MSI2: variants seen among roughly 807,000 people sequenced by gnomAD.
The protein encoded by MSI2 is musashi RNA binding protein 2.
Under a neutral mutation model 45.6 loss-of-function variants are expected in MSI2, and 17 were observed. The observed-to-expected ratio is 0.37, with a 90% CI of 0.26 to 0.56. The LOEUF is 0.56. MSI2 is among the 20% of genes least tolerant of loss of function. MSI2 has a pLI of 0.77. For synonymous variants in MSI2, 156 were observed against 158.2 expected, an observed-to-expected ratio of 0.99 and a Z score of 0.11; for missense variants, 293 against 444.2, an observed-to-expected ratio of 0.66 and a Z score of 3.06.
chr17:57,598,497 C>G (rs1427056268), intron 8 of MSI2, among the ~76,000 whole-genome samples: 1 of 152,074 alleles, frequency 6.6e-6, no homozygotes, highest in Non-Finnish European at 1.5e-5. Flanking sequence ...TGAAAATACT[C>G]TTTTTTTGCG....
At chr17:57,307,004 A>G (rs1472734495) in intron 5 of MSI2, among the ~76,000 whole-genome samples, 2 of 152,222 alleles carry the variant, frequency 1.3e-5, no homozygotes, top group African/African-American at 2.4e-5. Context: ...TGTTTACATG[A>G]GGACTTGGTC....
chr17:57,589,353 T>C (rs555887955), intron 7 of MSI2, among the ~76,000 whole-genome samples: 1 of 152,346 alleles, frequency 6.6e-6, no homozygotes, highest in African/African-American at 2.4e-5. Context: ...TTCTGAGTTA[T>C]ATTTTTCTTA....
chr17:57,602,249 G>A (rs1379962856), intron 8 of MSI2, among the ~76,000 whole-genome samples: 1 of 151,812 alleles, frequency 6.6e-6, no homozygotes, highest in Non-Finnish European at 1.5e-5. Flanking sequence ...TATCTTTAGT[G>A]TTAGTGTATT....
At chr17:57,272,392 C>A (rs538518999) in intron 5 of MSI2, among the ~76,000 whole-genome samples, 83 of 152,230 alleles carry the variant, frequency 5.5e-4, no homozygotes, top group African/African-American at 1.9e-3. Context: ...GTTGGAACAC[C>A]AAACCAAGAG....
At chr17:57,392,117 A>G (rs540200269) in intron 5 of MSI2, among the ~76,000 whole-genome samples, 1 of 152,320 alleles carries the variant, frequency 6.6e-6, no homozygotes, top group African/African-American at 2.4e-5. Flanking sequence ...CGCTTGATGC[A>G]GGGATCATGA....
At chr17:57,384,379 A>C (rs530084708) in intron 5 of MSI2, among the ~76,000 whole-genome samples, 2 of 152,278 alleles carry the variant, frequency 1.3e-5, no homozygotes, top group East Asian at 1.9e-4. Context: ...GAGCTCCTAC[A>C]TGTGGTCTGT....
At position 57,401,126 on chromosome 17, in the gene MSI2, G is replaced by A. The variant is rs573217422; in HGVS notation, c.313-253G>A. Among the ~76,000 whole-genome samples the A allele has an allele frequency of 2.0e-5, 3 of 152,270 alleles. No individual in the cohort carries two copies. The South Asian group carries it at 6.2e-4, about 32-fold the overall frequency. ...GTCCATCAGAATGAAGTTGCGTGTTGTGGCTAATGAGGTTCTGAAGTCTCT... is the reference window on the plus strand; with the variant it reads ...GTCCATCAGAATGAAGTTGCGTGTTATGGCTAATGAGGTTCTGAAGTCTCT... On this transcript the variant is annotated intron_variant, in intron 5 of 13. Coordinates refer to ENST00000284073, the MANE Select transcript of MSI2 (RefSeq NM_138962.4).
chr17:57,295,420 A>G (rs923835820), intron 5 of MSI2, among the ~76,000 whole-genome samples: 4 of 152,144 alleles, frequency 2.6e-5, no homozygotes, highest in Admixed American at 6.5e-5. Context: ...CCCACTGAGC[A>G]TTTTACACAA....
In MSI2 at chr17:57,542,844, G is replaced by T. The variant is rs2087080878; in HGVS notation, c.454+13120G>T. Among the ~76,000 whole-genome samples the T allele has an allele frequency of 3.3e-5, 5 of 152,168 alleles. No individual in the cohort carries two copies. In the South Asian group the frequency reaches 1.0e-3, roughly 32 times the overall value. ...CCTCCTTCATGTGGGGCCCTTCGTG[G>T]GTGACTAGGTCAGCTCCATCCGTCG... On this transcript the variant is annotated intron_variant, in intron 7 of 13. Transcript: ENST00000284073.
intron 11 of MSI2, among the ~76,000 whole-genome samples, chr17:57,667,744 G>C (rs1483139071): frequency 6.6e-6 from 1 of 152,196 alleles, no homozygotes; most frequent in Admixed American, 6.5e-5. Context: ...CCCATTCAAG[G>C]CTGCTCCATC....
At chr17:57,380,371 C>T (rs1809039748) in intron 5 of MSI2, among the ~76,000 whole-genome samples, 1 of 152,178 alleles carries the variant, frequency 6.6e-6, no homozygotes, top group South Asian at 2.1e-4. Flanking sequence ...GCCTGCTGAA[C>T]TTGAGTGGAG....
At chr17:57,636,009 G>A (rs1909808177) in intron 10 of MSI2, among the ~76,000 whole-genome samples, 2 of 152,212 alleles carry the variant, frequency 1.3e-5, no homozygotes, top group South Asian at 4.1e-4. Context: ...AGTGGGGAGG[G>A]TTGGTGTCTG....
In MSI2 at chr17:57,682,536, C is replaced by T. The variant is rs576825919; in HGVS notation, c.*3019C>T. 58 of 209,756 alleles carry T rather than the reference C, an allele frequency of 2.8e-4. 1 individual carries two copies. The highest frequency in any genetic ancestry group is 1.5e-3 in the South Asian group (8 of 5,314). The allele number at this position is 209,756 out of a possible 1,614,324, so 13.0% of individuals were successfully genotyped here. A position where few individuals can be genotyped will look rare whatever the true frequency, so the allele number is the denominator to read the frequency against. ...ATGTTTATATACCTTTTGAAGAGAC[C>T]CAGTAGCCCATAGCACAAATCTTGT... On this transcript the variant is annotated 3_prime_UTR_variant, in exon 14 of 14. Coordinates refer to ENST00000284073, the MANE Select transcript of MSI2 (RefSeq NM_138962.4).
intron 10 of MSI2, among the ~76,000 whole-genome samples, chr17:57,648,856 C>G (rs1324563737): frequency 6.6e-6 from 1 of 152,176 alleles, no homozygotes; most frequent in Non-Finnish European, 1.5e-5. Context: ...CAGATGACCC[C>G]GGCCTCCTCA....
intron 5 of MSI2, among the ~76,000 whole-genome samples, chr17:57,376,481 ACAGT>A (rs887584981): frequency 3.3e-5 from 5 of 152,174 alleles, no homozygotes; most frequent in Non-Finnish European, 5.9e-5. Context: ...TGAAGGGCAC[ACAGT>A]CAAATGGGCC....
At chr17:57,586,347 GTC>G (rs138594708) in intron 7 of MSI2, among the ~76,000 whole-genome samples, 35 of 149,606 alleles carry the variant, frequency 2.3e-4, no homozygotes, top group Admixed American at 3.3e-4. Context: ...ATGGTTAGAG[GTC>G]TCTCTCTCTC....
chr17:57,532,551 C>G (rs1270947070), intron 7 of MSI2, among the ~76,000 whole-genome samples: 1 of 152,214 alleles, frequency 6.6e-6, no homozygotes, highest in Non-Finnish European at 1.5e-5. Context: ...AAAAGAAGAA[C>G]ATATCACAGC....
chr17:57,537,607 A>C (rs1027894824), intron 7 of MSI2, among the ~76,000 whole-genome samples: 1 of 152,194 alleles, frequency 6.6e-6, no homozygotes, highest in African/African-American at 2.4e-5. Context: ...CCAAGACCTT[A>C]ATTTTATTTC....
chr17:57,605,219 C>T (rs1055300656), intron 8 of MSI2, among the ~76,000 whole-genome samples: 3 of 152,216 alleles, frequency 2.0e-5, no homozygotes, highest in Admixed American at 1.3e-4. Flanking sequence ...GCATCACACA[C>T]GCAAGCGCGT....
Sources: gnomAD v4.1 joint callset for allele counts (sites outside exome capture counted in the v4.1 genomes callset) on GRCh38, gnomAD v4.1.1 for gene constraint, MANE v1.5 for transcripts, NCBI Gene and HGNC (gene_info 2026-07-23, HGNC 2026-07-21) for gene names.